Variants in SESTD1 observed in about 807,000 individuals in gnomAD.
SESTD1 encodes the protein SEC14 and spectrin domain containing 1.
A neutral mutation model predicts 101.7 loss-of-function variants in SESTD1; 43 were observed. That is an observed-to-expected ratio of 0.42 (90% CI 0.33 to 0.55). The LOEUF is 0.55. SESTD1 is among the 20% of genes least tolerant of loss of function. SESTD1 has a pLI of 0.07. For synonymous variants in SESTD1, 283 were observed against 286.8 expected (o/e 0.99, Z 0.13); for missense variants, 647 against 815.1 (o/e 0.79, Z 2.51).
chr2:179,195,283 T>C (rs762570871), intron 1 of SESTD1, among the ~76,000 whole-genome samples: 2 of 152,216 alleles, frequency 1.3e-5, no homozygotes, highest in Non-Finnish European at 2.9e-5. Flanking sequence ...GTTCTTGTGA[T>C]AGTGAGTTCT....
At chr2:179,152,477 T>C in intron 5 of SESTD1, among the ~76,000 whole-genome samples, 1 of 152,336 alleles carries the variant, frequency 6.6e-6, no homozygotes, top group Admixed American at 6.5e-5. Flanking sequence ...ACATAAATTA[T>C]ACCTCATAAA....
intron 3 of SESTD1, among the ~76,000 whole-genome samples, chr2:179,182,877 T>C (rs753783954): frequency 1.3e-5 from 2 of 152,158 alleles, no homozygotes; most frequent in South Asian, 2.1e-4. Context: ...TGGAAATCTG[T>C]ATATCCTTAA....
At chr2:179,235,417 A>G (rs183165642) in intron 1 of SESTD1, among the ~76,000 whole-genome samples, 3 of 152,234 alleles carry the variant, frequency 2.0e-5, no homozygotes, top group South Asian at 2.1e-4. Context: ...CAATTTTTCT[A>G]TAAGTCTGAA....
chr2:179,156,765 G>A (rs1018188862), intron 5 of SESTD1, among the ~76,000 whole-genome samples: 1 of 152,148 alleles, frequency 6.6e-6, no homozygotes, highest in Non-Finnish European at 1.5e-5. Context: ...CTCCCCCTCT[G>A]TAGGTTGTCT....
intron 1 of SESTD1, among the ~76,000 whole-genome samples, chr2:179,212,045 AG>A (rs2046657500): frequency 7.4e-6 from 1 of 135,242 alleles, no homozygotes; most frequent in African/African-American, 2.9e-5. Context: ...ATGGCTGAAT[AG>A]GAACAGCTAC....
At chr2:179,189,069 C>T (rs539989048) in intron 2 of SESTD1, among the ~76,000 whole-genome samples, 1 of 152,030 alleles carries the variant, frequency 6.6e-6, no homozygotes. Context: ...ATTCCCTCTT[C>T]TGTAAAGCCA....
chr2:179,139,261 A>T (rs567476576), intron 9 of SESTD1, among the ~76,000 whole-genome samples: 6 of 152,282 alleles, frequency 3.9e-5, no homozygotes, highest in African/African-American at 1.4e-4. Context: ...TCACCCCTGC[A>T]ATTTGTACCA....
At chr2:179,222,165 C>T (rs1046268874) in intron 1 of SESTD1, among the ~76,000 whole-genome samples, 2 of 152,094 alleles carry the variant, frequency 1.3e-5, no homozygotes, top group Admixed American at 1.3e-4. Context: ...AAAGACTTCC[C>T]CCACCAAAGA....
chr2:179,154,810 A>G (rs939964933), intron 5 of SESTD1, among the ~76,000 whole-genome samples: 1 of 152,246 alleles, frequency 6.6e-6, no homozygotes, highest in East Asian at 1.9e-4. Flanking sequence ...CTCATAACCA[A>G]TAATAAGAGA....
rs1207000695 is a variant in SESTD1, at chr2:179,201,241, C to T, written c.-25-9375G>A. Reference sequence around the variant, plus strand: ...CAATGAGATACCATCTCACACCAGTCAGAATGGCAATCATTAAAAAGTCAG... The same window carrying T: ...CAATGAGATACCATCTCACACCAGTTAGAATGGCAATCATTAAAAAGTCAG... On this transcript the variant is annotated intron_variant, in intron 1 of 17. Transcript: ENST00000428443. 9.6e-4 allele frequency among the ~76,000 whole-genome samples: 127 copies of T among 132,870 alleles called. 30 individuals carry two copies. Among genetic ancestry groups the T allele is most frequent in the African/African-American group, 3.3e-3 (107 of 32,810 alleles). The allele number at this position is 132,870 out of a possible 152,430, so 87.2% of individuals were successfully genotyped here.
At chr2:179,123,947 T>A in intron 11 of SESTD1, 118 bp from the exon 12 acceptor site, 1 of 705,206 alleles carries the variant, frequency 1.4e-6, no homozygotes, top group East Asian at 2.7e-5. Flanking sequence ...AAGACTACAC[T>A]GTTACAAGAC....
At chr2:179,229,722 T>C (rs1250719172) in intron 1 of SESTD1, among the ~76,000 whole-genome samples, 2 of 141,848 alleles carry the variant, frequency 1.4e-5, no homozygotes, top group African/African-American at 2.6e-5. Context: ...CTTATATACA[T>C]AAAGAAATTT....
chr2:179,143,607 T>C lies in SESTD1; in HGVS notation c.834A>G (p.Gln278=), dbSNP rs34321236. Residue 278 remains glutamine, a synonymous_variant, in exon 9 of 18, where the codon CAA becomes CAG. Coordinates refer to ENST00000428443, the MANE Select transcript of SESTD1 (RefSeq NM_178123.5). ...AGACACCTACCTGCATTACCTTCTG[T>C]TGAATCTCTTCTAACTGTGTGCGCT... ...RSKRTQLEEI[Q]QKVMQVVNWL... is the part of the protein sequence containing the mutation. The C allele has an allele frequency of 9.1e-3, 14,633 of 1,613,900 alleles. 91 individuals carry two copies. The highest frequency in any genetic ancestry group is 0.011 in the Non-Finnish European group (12,829 of 1,179,820).
chr2:179,161,131 A>T (rs984478572), intron 5 of SESTD1, among the ~76,000 whole-genome samples: 10 of 146,372 alleles, frequency 6.8e-5, no homozygotes, highest in Admixed American at 1.4e-4. Context: ...TATGTTGCCC[A>T]GGCTGGTTCC....
At chr2:179,199,488 C>A (rs2046466308) in intron 1 of SESTD1, among the ~76,000 whole-genome samples, 1 of 152,152 alleles carries the variant, frequency 6.6e-6, no homozygotes, top group Non-Finnish European at 1.5e-5. Flanking sequence ...CAAAGCCAGG[C>A]AGAGACAAAA....
chr2:179,149,595 GATAA>G lies in SESTD1; in HGVS notation c.484-205_484-202del, dbSNP rs531635392. ...TCCTAAAGCAATGAATAGTTTCATG[GATAA>G]ATAATTTTTAAAATTTAAATACATC... On this transcript the variant is annotated intron_variant, in intron 6 of 17. Coordinates refer to ENST00000428443, the MANE Select transcript of SESTD1 (RefSeq NM_178123.5). Among the ~76,000 whole-genome samples, 463 of 152,282 alleles carry G rather than the reference GATAA, an allele frequency of 3.0e-3. 5 individuals carry two copies. The highest frequency in any genetic ancestry group is 0.011 in the African/African-American group (442 of 41,578).
intron 8 of SESTD1, among the ~76,000 whole-genome samples, chr2:179,144,422 A>G (rs1467997234): frequency 2.0e-5 from 3 of 152,122 alleles, no homozygotes; most frequent in Admixed American, 2.0e-4. Context: ...ACTGTGAATA[A>G]TAACGGGCCA....
rs551526420 is a variant in SESTD1, at chr2:179,143,802, C to A, written c.639G>T (p.Gly213=). 2.7e-4 allele frequency: 438 copies of A among 1,611,420 alleles called. 1 individual carries two copies. The South Asian group carries it at 4.1e-3, about 15-fold the overall frequency. Residue 213 remains glycine, a splice_region_variant and synonymous_variant, in exon 9 of 18, where the codon GGG becomes GGT. Transcript: ENST00000428443. ...SVDPETVLQT[G]HELLSELQQR... is the part of the protein sequence containing the mutation. ...GCTGTAATTCGGACAACAATTCATG[C>A]CCTTTACAAATAAAAGATACTTGAA...
Position 179,102,780 on chromosome 2 carries a change from G to A in SESTD1, c.*7119C>T, listed in dbSNP as rs2044299660. 6.6e-6 allele frequency: 1 copy of A among 152,006 alleles called. No homozygotes were observed. The highest frequency in any genetic ancestry group is 2.4e-5 in the African/African-American group (1 of 41,374). 9.4% of individuals were successfully genotyped at this position (152,006 alleles called of 1,614,324 possible). A position where few individuals can be genotyped will look rare whatever the true frequency, so the allele number is the denominator to read the frequency against. ...ATCAGAGTGTGAAAAAACTACAGCTGGGTGGTATTGAATAAAGAGACAATA... is the reference window on the plus strand; with the variant it reads ...ATCAGAGTGTGAAAAAACTACAGCTAGGTGGTATTGAATAAAGAGACAATA... On this transcript the variant is annotated 3_prime_UTR_variant, in exon 18 of 18. Transcript: ENST00000428443.
Sources: allele counts gnomAD v4.1 joint callset (sites outside exome capture counted in the v4.1 genomes callset), GRCh38; gene constraint gnomAD v4.1.1; transcripts MANE v1.5; gene names NCBI Gene and HGNC (gene_info 2026-07-23, HGNC 2026-07-21).